The following WNT16 variants were observed in gnomAD, a reference collection of about 807,000 sequenced individuals.
WNT16 encodes the protein Wnt family member 16.
In WNT16, 20 loss-of-function variants were observed where a neutral mutation model predicts 35.4. The observed-to-expected ratio is 0.56, with a 90% CI of 0.40 to 0.82. WNT16 has a LOEUF of 0.82. Among genes scored for constraint, WNT16 ranks in the 40% least tolerant of loss-of-function variants. The probability of loss-of-function intolerance (pLI) is 0.00; values close to 1 mark genes in which losing one functional copy is unlikely to be tolerated. For synonymous variants in WNT16, 180 were observed against 179.2 expected (o/e 1.00, Z -0.03); for missense variants, 461 against 466.0 (o/e 0.99, Z 0.10).
At chr7:121,331,361 C>T (rs778486817) in intron 2 of WNT16, among the ~76,000 whole-genome samples, 21 of 152,184 alleles carry the variant, frequency 1.4e-4, no homozygotes, top group Non-Finnish European at 2.5e-4. Context: ...TGAGCTATGA[C>T]TGTCAACTGT....
rs1300218133 is a variant in WNT16, at chr7:121,329,156, G to A, written c.-137G>A. 4 of 1,418,446 alleles carry A rather than the reference G, an allele frequency of 2.8e-6. No individual in the cohort carries two copies. The highest frequency in any genetic ancestry group is 3.7e-6 in the Non-Finnish European group (4 of 1,089,674). The allele number at this position is 1,418,446 out of a possible 1,614,324, so 87.9% of individuals were successfully genotyped here. A position where few individuals can be genotyped will look rare whatever the true frequency, so the allele number is the denominator to read the frequency against. Reference sequence around the variant, plus strand: ...CTGCTGAGAGTCCCTATCACTGCTGGCCTTTTAATGTTGTATGCAAGGAGG... The same window carrying A: ...CTGCTGAGAGTCCCTATCACTGCTGACCTTTTAATGTTGTATGCAAGGAGG... On this transcript the variant is annotated 5_prime_UTR_variant, in exon 1 of 4. It introduces an in-frame stop codon into an upstream open reading frame of the 5' UTR. Transcript: ENST00000222462.
intron 2 of WNT16, among the ~76,000 whole-genome samples, chr7:121,331,085 T>C (rs1584676605): frequency 6.6e-6 from 1 of 152,264 alleles, no homozygotes; most frequent in East Asian, 1.9e-4. Context: ...CTATATAAAA[T>C]GTTTAACTGT....
chr7:121,335,298 C>G (rs887664346), intron 3 of WNT16, among the ~76,000 whole-genome samples: 1 of 152,102 alleles, frequency 6.6e-6, no homozygotes, highest in African/African-American at 2.4e-5. Flanking sequence ...AACCACTTCT[C>G]AAGCGGTTTC....
intron 3 of WNT16, among the ~76,000 whole-genome samples, chr7:121,337,393 C>T (rs747728304): frequency 3.3e-5 from 5 of 152,156 alleles, no homozygotes; most frequent in Non-Finnish European, 4.4e-5. Context: ...ATTCTGCAAA[C>T]GTGTCAATGT....
Position 121,331,760 on chromosome 7 carries a change from C to G in WNT16, c.429C>G (p.Asn143Lys). The G allele has an allele frequency of 1.2e-6, 2 of 1,614,198 alleles. No homozygotes were observed. Among genetic ancestry groups the G allele is most frequent in the Non-Finnish European group, 1.7e-6 (2 of 1,180,038 alleles). ...HSVTRSCSAG[N>K]MTECSCDTTL... Reference sequence around the variant, plus strand: ...TGACCAGGTCATGCAGTGCAGGCAACATGACAGAGTGTTCCTGTGACACCA... The same window carrying G: ...TGACCAGGTCATGCAGTGCAGGCAAGATGACAGAGTGTTCCTGTGACACCA... Residue 143 changes from asparagine (N) to lysine (K), a missense_variant, in exon 3 of 4, where the codon AAC (asparagine) becomes AAG (lysine). Asn to Lys is a moderately conservative substitution (Grantham distance 94, BLOSUM62 0). Transcript: ENST00000222462.
upstream of WNT16, among the ~76,000 whole-genome samples, chr7:121,326,854 T>A (rs1256764417): frequency 6.6e-6 from 1 of 152,132 alleles, no homozygotes; most frequent in Non-Finnish European, 1.5e-5. Flanking sequence ...CAGCCTAAGG[T>A]ATGGATATTG....
chr7:121,339,445 T>G lies in WNT16; in HGVS notation c.*100T>G. ...GTGCAGCGCTAGTAAAGTTGACTCT[T>G]GCAGTGGAATCCCTAGAACCTTGGA... On this transcript the variant is annotated 3_prime_UTR_variant, in exon 4 of 4. Coordinates refer to ENST00000222462, the MANE Select transcript of WNT16 (RefSeq NM_057168.2). 1 of 1,103,114 alleles carries G rather than the reference T, an allele frequency of 9.1e-7. No individual in the cohort carries two copies. The highest frequency in any genetic ancestry group is 2.5e-5 in the East Asian group (1 of 39,774). The allele number at this position is 1,103,114 out of a possible 1,614,324, so 68.3% of individuals were successfully genotyped here.
intron 3 of WNT16, among the ~76,000 whole-genome samples, chr7:121,334,490 T>C (rs751814074): frequency 6.6e-6 from 1 of 152,152 alleles, no homozygotes; most frequent in Non-Finnish European, 1.5e-5. Context: ...TTTTTCAACA[T>C]TGGCAATTAG....
Position 121,331,903 on chromosome 7 carries a change from C to T in WNT16, c.572C>T (p.Thr191Met), listed in dbSNP as rs535867485. ...CTAGATTTCCCCATCGGAAACACCA[C>T]GGGCAAAGAAAACAAAGTACTATTA... Reference protein sequence around the residue: ...KFLDFPIGNTTGKENKVLLAM... With the variant: ...KFLDFPIGNTMGKENKVLLAM... Residue 191 changes from threonine to methionine, a missense_variant, in exon 3 of 4, where the codon ACG (threonine) becomes ATG (methionine). Coordinates refer to ENST00000222462, the MANE Select transcript of WNT16 (RefSeq NM_057168.2). 2.5e-6 allele frequency: 4 copies of T among 1,614,018 alleles called. No individual in the cohort carries two copies. Among genetic ancestry groups the T allele is most frequent in the Non-Finnish European group, 3.4e-6 (4 of 1,180,036 alleles).
intron 3 of WNT16, among the ~76,000 whole-genome samples, chr7:121,338,603 T>G (rs1261995156): frequency 6.6e-6 from 1 of 152,222 alleles, no homozygotes; most frequent in Non-Finnish European, 1.5e-5. Context: ...TTATCGCAGA[T>G]AATCTCCAAT....
At chr7:121,337,197 C>G (rs1252216403) in intron 3 of WNT16, among the ~76,000 whole-genome samples, 1 of 152,132 alleles carries the variant, frequency 6.6e-6, no homozygotes, top group East Asian at 1.9e-4. Flanking sequence ...ATAGATACAT[C>G]TATTAGTTTC....
chr7:121,338,803 G>C, intron 3 of WNT16, 78 bp from the exon 4 acceptor site: 2 of 1,201,806 alleles, frequency 1.7e-6, no homozygotes, highest in Non-Finnish European at 2.3e-6. Context: ...AAAGTTAATT[G>C]ATTAGATTAA....
At chr7:121,338,283 G>T (rs185564835) in intron 3 of WNT16, among the ~76,000 whole-genome samples, 7 of 152,292 alleles carry the variant, frequency 4.6e-5, no homozygotes, top group Admixed American at 4.6e-4. Flanking sequence ...GAATCTGAGA[G>T]GTTTGAGCAT....
Position 121,329,613 on chromosome 7 carries a change from G to T in WNT16, c.142G>T (p.Ala48Ser). The T allele has an allele frequency of 6.2e-7, 1 of 1,614,206 alleles. No individual in the cohort carries two copies. Among genetic ancestry groups the T allele is most frequent in the Non-Finnish European group, 8.5e-7 (1 of 1,180,030 alleles). Residue 48 changes from alanine (A) to serine (S), a missense_variant, in exon 2 of 4, where the codon GCC (alanine) becomes TCC (serine). By Grantham distance (99) the Ala-to-Ser change is moderately conservative. Coordinates refer to ENST00000222462, the MANE Select transcript of WNT16 (RefSeq NM_057168.2). Reference protein sequence around the residue: ...SFGVPEKLGCANLPLNSRQKE... With the variant: ...SFGVPEKLGCSNLPLNSRQKE... ...CGGGGTTCCAGAGAAGCTGGGCTGC[G>T]CCAATTTGCCGCTGAACAGCCGCCA...
chr7:121,325,663 A>G (rs547657243), upstream of WNT16, among the ~76,000 whole-genome samples: 1 of 150,674 alleles, frequency 6.6e-6, no homozygotes, highest in African/African-American at 2.5e-5. Flanking sequence ...ATATATATAT[A>G]TAACACCTAA....
At chr7:121,327,322 G>A (rs1438520005), upstream of WNT16, among the ~76,000 whole-genome samples, 1 of 151,394 alleles carries the variant, frequency 6.6e-6, no homozygotes, top group Admixed American at 6.6e-5. Flanking sequence ...ATTGATATAG[G>A]AGATAAGCAG....
At chr7:121,333,057 T>A (rs987994011) in intron 3 of WNT16, among the ~76,000 whole-genome samples, 1 of 152,066 alleles carries the variant, frequency 6.6e-6, no homozygotes, top group Non-Finnish European at 1.5e-5. Flanking sequence ...ATTTTCTATG[T>A]TGTAATAAAC....
chr7:121,325,768 C>T (rs1218674863), upstream of WNT16, among the ~76,000 whole-genome samples: 1 of 151,836 alleles, frequency 6.6e-6, no homozygotes, highest in African/African-American at 2.4e-5. Flanking sequence ...TGGCCAGGTG[C>T]CATGGATCAT....
rs1393222499 is a variant in WNT16 at position 121,341,077 on chromosome 7, A to C, written c.*1732A>C. 6.6e-6 allele frequency: 1 copy of C among 152,200 alleles called. No individual in the cohort carries two copies. Among genetic ancestry groups the C allele is most frequent in the African/African-American group, 2.4e-5 (1 of 41,456 alleles). 9.4% of individuals were successfully genotyped at this position (152,200 alleles called of 1,614,324 possible). A position where few individuals can be genotyped will look rare whatever the true frequency, so the allele number is the denominator to read the frequency against. On this transcript the variant is annotated 3_prime_UTR_variant, in exon 4 of 4. Coordinates refer to ENST00000222462, the MANE Select transcript of WNT16 (RefSeq NM_057168.2). ...TGGAAAATGTCTCAGATCTAATATT[A>C]AAATCAAGACTAAGCATTTAACTGT...
Sources: gnomAD v4.1 joint callset for allele counts (sites outside exome capture counted in the v4.1 genomes callset) on GRCh38, gnomAD v4.1.1 for gene constraint, MANE v1.5 for transcripts, NCBI Gene and HGNC (gene_info 2026-07-23, HGNC 2026-07-21) for gene names.